Variants in EXT1 observed in about 807,000 individuals in gnomAD.
EXT1 encodes the protein exostosin-1.
A neutral mutation model predicts 82.5 loss-of-function variants in EXT1; 20 were observed. That is an observed-to-expected ratio of 0.24 (90% CI 0.17 to 0.35). The LOEUF (loss-of-function observed/expected upper bound fraction) is 0.35, where lower values mean the gene tolerates loss of function less well. EXT1 is among the 10% of genes least tolerant of loss of function. EXT1 has a pLI of 1.00. For missense variants in EXT1, 757 were observed against 936.5 expected (o/e 0.81, Z 2.50); for synonymous variants, 348 against 350.8 (o/e 0.99, Z 0.09).
At chr8:118,009,207 T>G (rs1815844930) in intron 1 of EXT1, among the ~76,000 whole-genome samples, 1 of 152,188 alleles carries the variant, frequency 6.6e-6, no homozygotes, top group Non-Finnish European at 1.5e-5. Flanking sequence ...ACACTGGGAA[T>G]GTGAGCACGC....
chr8:117,838,749 C>T (rs1048116070), intron 1 of EXT1, among the ~76,000 whole-genome samples: 5 of 151,930 alleles, frequency 3.3e-5, no homozygotes, highest in Non-Finnish European at 5.9e-5. Context: ...TTAATCTCTG[C>T]CTAATAGATG....
chr8:118,034,948 C>G (rs1365652371), intron 1 of EXT1, among the ~76,000 whole-genome samples: 3 of 152,122 alleles, frequency 2.0e-5, no homozygotes, highest in Admixed American at 6.6e-5. Context: ...GTATTAGGAG[C>G]AAAAGGTGAG....
chr8:118,010,264 C>A (rs1021134037), intron 1 of EXT1, among the ~76,000 whole-genome samples: 2 of 147,920 alleles, frequency 1.4e-5, no homozygotes, highest in South Asian at 2.2e-4. Context: ...CCCAGCTACT[C>A]GGGAGGCTGA....
chr8:117,945,167 AAAAAT>A (rs1224652735), intron 1 of EXT1, among the ~76,000 whole-genome samples: 1 of 152,192 alleles, frequency 6.6e-6, no homozygotes, highest in African/African-American at 2.4e-5. Flanking sequence ...GTCTCAAGAA[AAAAAT>A]AAAATAAAAA....
chr8:117,892,212 A>G (rs1390012776), intron 1 of EXT1, among the ~76,000 whole-genome samples: 1 of 152,052 alleles, frequency 6.6e-6, no homozygotes, highest in African/African-American at 2.4e-5. Flanking sequence ...GAACATGCAG[A>G]GAAAGATTCC....
intron 1 of EXT1, among the ~76,000 whole-genome samples, chr8:117,972,662 A>C (rs1204350786): frequency 6.6e-6 from 1 of 152,238 alleles, no homozygotes; most frequent in East Asian, 1.9e-4. Flanking sequence ...AAGATGGGTA[A>C]TTTACGAAGG....
chr8:118,089,083 T>C (rs1206372083), intron 1 of EXT1, among the ~76,000 whole-genome samples: 2 of 152,136 alleles, frequency 1.3e-5, no homozygotes, highest in African/African-American at 2.4e-5. Context: ...AAAAAATAAA[T>C]TGTATGTTAT....
intron 1 of EXT1, among the ~76,000 whole-genome samples, chr8:118,052,389 T>C (rs904368739): frequency 6.6e-6 from 1 of 152,250 alleles, no homozygotes; most frequent in Admixed American, 6.5e-5. Context: ...TACTTCAGTG[T>C]CTGTTATTCT....
chr8:117,884,258 CAAGA>C (rs995457488), intron 1 of EXT1, among the ~76,000 whole-genome samples: 7 of 152,208 alleles, frequency 4.6e-5, no homozygotes, highest in Non-Finnish European at 1.5e-5. Flanking sequence ...AGCAGGAAAA[CAAGA>C]AAGAGTCTTC....
chr8:118,003,940 T>C (rs927532593), intron 1 of EXT1, among the ~76,000 whole-genome samples: 1 of 152,226 alleles, frequency 6.6e-6, no homozygotes, highest in African/African-American at 2.4e-5. Context: ...TACCACATTC[T>C]AATATGTTTA....
rs935486789 is a variant in EXT1, at chr8:118,078,005, T to C, written c.962+32080A>G. Among the ~76,000 whole-genome samples the C allele has an allele frequency of 5.3e-5, 8 of 152,250 alleles. No homozygotes were observed. The East Asian group carries it at 7.7e-4, about 15-fold the overall frequency. ...AGTAATCATATTTTGTATTTCTTTA[T>C]AGTTTTATTATTCAGGTGTACCTCC... On this transcript the variant is annotated intron_variant, in intron 1 of 10. Transcript: ENST00000378204.
intron 1 of EXT1, among the ~76,000 whole-genome samples, chr8:117,901,093 G>A (rs1813439320): frequency 6.6e-6 from 1 of 152,140 alleles, no homozygotes; most frequent in Non-Finnish European, 1.5e-5. Flanking sequence ...GTTTTCCAGG[G>A]ACCAGAGCAC....
intron 1 of EXT1, among the ~76,000 whole-genome samples, chr8:117,971,039 G>A (rs576278058): frequency 2.6e-5 from 4 of 151,948 alleles, no homozygotes; most frequent in Admixed American, 2.6e-4. Flanking sequence ...CCCTTCAGGG[G>A]CACTGCACTG....
intron 1 of EXT1, among the ~76,000 whole-genome samples, chr8:118,023,682 T>C (rs1816151724): frequency 6.6e-6 from 1 of 152,214 alleles, no homozygotes; most frequent in African/African-American, 2.4e-5. Context: ...TTTCTTTTTT[T>C]AGACACAAAG....
intron 1 of EXT1, among the ~76,000 whole-genome samples, chr8:118,087,709 T>G (rs1197294503): frequency 1.3e-5 from 2 of 152,174 alleles, no homozygotes; most frequent in African/African-American, 4.8e-5. Flanking sequence ...AAGATAAGTT[T>G]GATTCATGCA....
rs17476456 is a variant in EXT1, at chr8:118,023,827, A to G, written c.962+86258T>C. 3.3e-3 allele frequency among the ~76,000 whole-genome samples: 497 copies of G among 152,384 alleles called. 4 individuals carry two copies. Among genetic ancestry groups the G allele is most frequent in the African/African-American group, 0.011 (476 of 41,598 alleles). ...AGAAGCAAGACTTGAGCACAGATACAGAGCCGCTCATTAACGATAATGCCA... is the reference window on the plus strand; with the variant it reads ...AGAAGCAAGACTTGAGCACAGATACGGAGCCGCTCATTAACGATAATGCCA... On this transcript the variant is annotated intron_variant, in intron 1 of 10. Transcript: ENST00000378204.
In EXT1 at chr8:117,795,629, T is replaced by A. The variant is rs1823079019; in HGVS notation, c.*4083A>T. 1 of 151,986 alleles carries A rather than the reference T, an allele frequency of 6.6e-6. No homozygotes were observed. The highest frequency in any genetic ancestry group is 1.5e-5 in the Non-Finnish European group (1 of 68,030). The allele number at this position is 151,986 out of a possible 1,614,324, so 9.4% of individuals were successfully genotyped here. ...CTGGCCAACATAGCAAAACCCTGTCTCTAATAAATATACAAAAATTAGCCC... is the reference window on the plus strand; with the variant it reads ...CTGGCCAACATAGCAAAACCCTGTCACTAATAAATATACAAAAATTAGCCC... On this transcript the variant is annotated 3_prime_UTR_variant, in exon 11 of 11. Coordinates refer to ENST00000378204, the MANE Select transcript of EXT1 (RefSeq NM_000127.3).
chr8:118,069,625 G>A (rs1586375314), intron 1 of EXT1, among the ~76,000 whole-genome samples: 1 of 152,182 alleles, frequency 6.6e-6, no homozygotes, highest in African/African-American at 2.4e-5. Context: ...ATGAACACCA[G>A]GAAATGGTAT....
chr8:117,986,085 A>G (rs1194782952), intron 1 of EXT1, among the ~76,000 whole-genome samples: 1 of 152,204 alleles, frequency 6.6e-6, no homozygotes, highest in Non-Finnish European at 1.5e-5. Flanking sequence ...TAATAGAGTT[A>G]CTAAAAATTT....
Sources: gnomAD v4.1 joint callset for allele counts (sites outside exome capture counted in the v4.1 genomes callset) on GRCh38, gnomAD v4.1.1 for gene constraint, MANE v1.5 for transcripts, NCBI Gene and HGNC (gene_info 2026-07-23, HGNC 2026-07-21) for gene names.